SLC5A4: variants seen among roughly 807,000 people sequenced by gnomAD.
SLC5A4 encodes probable glucose sensor protein SLC5A4.
Under a neutral mutation model 70.3 loss-of-function variants are expected in SLC5A4, and 55 were observed. The ratio of observed to expected loss-of-function variants is 0.78; its 90% confidence interval spans 0.63 to 0.98. SLC5A4 has a LOEUF of 0.98. Ranked by LOEUF, SLC5A4 falls within the 50% of genes least tolerant of loss-of-function variation. The pLI is 0.00. For synonymous variants in SLC5A4, 268 were observed against 305.7 expected (o/e 0.88, Z 1.29); for missense variants, 735 against 839.2 (o/e 0.88, Z 1.53).
chr22:32,330,519 T>TTTG, the SLC5A4 span, among the ~76,000 whole-genome samples: 2 of 117,976 alleles, frequency 1.7e-5, no homozygotes, highest in Non-Finnish European at 3.5e-5. Context: ...TGTTGGGGGC[T>TTTG]GTGTGTGTCT....
In SLC5A4 at chr22:32,220,823, C is replaced by A. The variant is rs542597429; in HGVS notation, c.1768+97G>T. On this transcript the variant is annotated intron_variant, in intron 14 of 14. Coordinates refer to ENST00000266086, the MANE Select transcript of SLC5A4 (RefSeq NM_014227.3). ...TTCAGTTTGTCATAAATCTAACAGCCTTTTCGGAAGCTGGATTTAATGACA... is the reference window on the plus strand; with the variant it reads ...TTCAGTTTGTCATAAATCTAACAGCATTTTCGGAAGCTGGATTTAATGACA... The A allele has an allele frequency of 5.4e-4, 457 of 839,726 alleles. 3 individuals are homozygous for A. Among genetic ancestry groups the A allele is most frequent in the Middle Eastern group, 1.6e-3 (6 of 3,868 alleles). 52.0% of individuals were successfully genotyped at this position (839,726 alleles called of 1,614,324 possible).
chr22:32,308,642 T>C, the SLC5A4 span, among the ~76,000 whole-genome samples: 1 of 152,168 alleles, frequency 6.6e-6, no homozygotes, highest in African/African-American at 2.4e-5. Flanking sequence ...CTGGGACACA[T>C]TTGAATCTTT....
At position 32,239,070 on chromosome 22, in the gene SLC5A4, G is replaced by C. The variant is rs1234858744; in HGVS notation, c.498C>G (p.Ala166=). 1.9e-6 allele frequency: 3 copies of C among 1,613,640 alleles called. No individual in the cohort carries two copies. The highest frequency in any genetic ancestry group is 2.5e-6 in the Non-Finnish European group (3 of 1,179,738). Residue 166 remains alanine, a synonymous_variant, in exon 6 of 15, where the codon GCC becomes GCG. Transcript: ENST00000266086. ...ATCCCAAGGCCAGCTTGATGAATAT[G>C]GCTCCAGCAAATATGTCTGCCTAAA... ...LLISADIFAG[A]IFIKLALGLD... is the part of the protein sequence containing the mutation.
At chr22:32,351,731 GGGCGGT>G in the SLC5A4 span, among the ~76,000 whole-genome samples, 1 of 51,844 alleles carries the variant, frequency 1.9e-5, no homozygotes, top group Non-Finnish European at 3.2e-5. Context: ...GGGAGGGTGG[GGGCGGT>G]GGGGGGAGGG....
At chr22:32,332,037 A>C in the SLC5A4 span, among the ~76,000 whole-genome samples, 68 of 132,736 alleles carry the variant, frequency 5.1e-4, no homozygotes, top group African/African-American at 8.1e-4. Flanking sequence ...CTCAGCCCCC[A>C]CCCCAGGCCC....
chr22:32,333,201 C>CCT, the SLC5A4 span, among the ~76,000 whole-genome samples: 2 of 147,294 alleles, frequency 1.4e-5, no homozygotes, highest in Non-Finnish European at 1.5e-5. Flanking sequence ...CTGGCACCCC[C>CCT]CCCCCAGAAG....
the SLC5A4 span, chr22:32,270,249 T>C: frequency 2.1e-3 from 1,475 of 709,244 alleles, 12 homozygotes; most frequent in African/African-American, 0.02. Context: ...CTGCCATGGG[T>C]GAGCCTGCCT....
At chr22:32,250,744 G>A (rs1169549949) in intron 3 of SLC5A4, among the ~76,000 whole-genome samples, 1 of 152,008 alleles carries the variant, frequency 6.6e-6, no homozygotes, top group Non-Finnish European at 1.5e-5. Flanking sequence ...AGAAAATGTG[G>A]CACATATATA....
rs368776458 is a variant in SLC5A4 at position 32,224,398 on chromosome 22, A to G, written c.1534T>C (p.Leu512=). Residue 512 remains leucine (L), a synonymous_variant, in exon 13 of 15, where the codon TTG becomes CTG. Transcript: ENST00000266086. ...ATCTTGGGACAGTTACTGGGAGCCA[A>G]GCAACTCCCTGTTCCATAAGCAAAC... ...TEFAYGTGSC[L]APSNCPKIIC... The G allele has an allele frequency of 3.2e-5, 52 of 1,613,780 alleles. No individual in the cohort carries two copies. Among genetic ancestry groups the G allele is most frequent in the Non-Finnish European group, 4.1e-5 (48 of 1,179,774 alleles).
At chr22:32,340,644 A>AGGGAGGC in the SLC5A4 span, among the ~76,000 whole-genome samples, 1 of 152,142 alleles carries the variant, frequency 6.6e-6, no homozygotes, top group East Asian at 1.9e-4. Flanking sequence ...GGGCTGTGGA[A>AGGGAGGC]GGGAGGCATG....
the SLC5A4 span, among the ~76,000 whole-genome samples, chr22:32,333,003 C>T: frequency 2.6e-5 from 4 of 152,154 alleles, no homozygotes; most frequent in Admixed American, 6.5e-5. Flanking sequence ...TCTCCATTAG[C>T]CAGATAGAAA....
At chr22:32,269,449 C>T in the SLC5A4 span, 15 of 503,088 alleles carry the variant, frequency 3.0e-5, no homozygotes, top group Middle Eastern at 3.1e-4. This position sits in a 1 kb window ranked among gnomAD's most constrained non-coding sequence, Gnocchi z 4.1. Context: ...AGTTCCTGCA[C>T]GGCTACTACA....
chr22:32,275,975 G>A, the SLC5A4 span, among the ~76,000 whole-genome samples: 1 of 152,168 alleles, frequency 6.6e-6, no homozygotes, highest in Non-Finnish European at 1.5e-5. Context: ...CAGTGATAAT[G>A]AGCATTTTTT....
chr22:32,218,845 G>A (rs1007450966), intron 14 of SLC5A4, 120 bp from the exon 15 acceptor site: 3 of 676,792 alleles, frequency 4.4e-6, no homozygotes, highest in Non-Finnish European at 7.2e-6. Context: ...AGTGTTAAGA[G>A]GAATCCCTGA....
In SLC5A4 at chr22:32,224,424, T is replaced by C; in HGVS notation, c.1508A>G (p.Glu503Gly). 6.2e-7 allele frequency: 1 copy of C among 1,613,998 alleles called. No homozygotes were observed. The highest frequency in any genetic ancestry group is 8.5e-7 in the Non-Finnish European group (1 of 1,179,934). ...LAMGLIRMIT[E>G]FAYGTGSCLA... The stretch of plus-strand genomic sequence containing the variant: ...GCAACTCCCTGTTCCATAAGCAAAC[T>C]CTGTTATCATACGAATGAGGCCCAT... Residue 503 changes from glutamate (E) to glycine (G), a missense_variant, in exon 13 of 15, where the codon GAG (glutamate) becomes GGG (glycine). Physicochemically the swap from Glu to Gly is moderately conservative, Grantham distance 98. Transcript: ENST00000266086.
At chr22:32,224,714 A>G (rs1380555604) in intron 12 of SLC5A4, among the ~76,000 whole-genome samples, 4 of 152,136 alleles carry the variant, frequency 2.6e-5, no homozygotes, top group African/African-American at 9.7e-5. Context: ...TGATTCTCCA[A>G]TACCAGGACA....
In SLC5A4 at chr22:32,233,795, C is replaced by G. The variant is rs543522106; in HGVS notation, c.886-761G>C. Among the ~76,000 whole-genome samples, 45 of 150,296 alleles carry G rather than the reference C, an allele frequency of 3.0e-4. No individual in the cohort carries two copies. The South Asian group carries it at 9.2e-3, about 31-fold the overall frequency. The stretch of plus-strand genomic sequence containing the variant: ...TAGGCAACATAGTGAGACCCTGTCT[C>G]TATTTAAAAAATAATGTTTTTAAAA... On this transcript the variant is annotated intron_variant, in intron 8 of 14. Coordinates refer to ENST00000266086, the MANE Select transcript of SLC5A4 (RefSeq NM_014227.3).
At chr22:32,288,572 T>C in the SLC5A4 span, among the ~76,000 whole-genome samples, 1 of 152,230 alleles carries the variant, frequency 6.6e-6, no homozygotes, top group Admixed American at 6.5e-5. Context: ...TTTTTGTTTT[T>C]GAGTTGGAGC....
At chr22:32,333,385 C>T in the SLC5A4 span, among the ~76,000 whole-genome samples, 4 of 152,170 alleles carry the variant, frequency 2.6e-5, no homozygotes, top group African/African-American at 9.7e-5. Context: ...GCCAAGGGGC[C>T]AGAGTGGGGA....
Sources: allele counts gnomAD v4.1 joint callset (sites outside exome capture counted in the v4.1 genomes callset), GRCh38; gene constraint gnomAD v4.1.1; non-coding constraint Gnocchi (gnomAD v3.1); transcripts MANE v1.5; gene names NCBI Gene and HGNC (gene_info 2026-07-23, HGNC 2026-07-21).